The following PLA2G6 variants were observed in gnomAD, a reference collection of about 807,000 sequenced individuals.
PLA2G6 encodes 85/88 kDa calcium-independent phospholipase A2.
A neutral mutation model predicts 83.8 loss-of-function variants in PLA2G6; 62 were observed. That is an observed-to-expected ratio of 0.74 (90% CI 0.60 to 0.91). PLA2G6 has a LOEUF of 0.91. PLA2G6 is among the 40% of genes least tolerant of loss of function. The pLI is 0.00. For synonymous variants in PLA2G6, 417 were observed against 449.8 expected, an observed-to-expected ratio of 0.93 and a Z score of 0.92; for missense variants, 944 against 1,102.0, an observed-to-expected ratio of 0.86 and a Z score of 2.03.
intron 5 of PLA2G6, chr22:38,139,021 C>T (rs1014253113): frequency 2.0e-5 from 3 of 152,146 alleles, no homozygotes; most frequent in Non-Finnish European, 4.4e-5. Flanking sequence ...ATCTCATCCC[C>T]TACCCCTTTG....
chr22:38,123,174 C>T lies in PLA2G6; in HGVS notation c.1512G>A (p.Ser504=), dbSNP rs201161254. 1.4e-5 allele frequency: 22 copies of T among 1,551,600 alleles called. No homozygotes were observed. The highest frequency in any genetic ancestry group is 2.0e-4 in the Middle Eastern group (1 of 5,094). The part of the protein sequence containing the change: ...IQLLIAIEKA[S]GVATKDLFDW... ...CAAACAGGTCCTTGGTGGCCACACC[C>T]GAGGCCTTCTCGATGGCGATGAGGA... Residue 504 remains serine, a synonymous_variant, in exon 11 of 17, where the codon TCG becomes TCA. Coordinates refer to ENST00000332509, the MANE Select transcript of PLA2G6 (RefSeq NM_003560.4). The surrounding 1 kb of genome is among the most constrained non-coding windows in gnomAD (Gnocchi z 4.1).
Position 38,140,148 on chromosome 22 carries a change from C to G in PLA2G6, c.631G>C (p.Ala211Pro). 8 of 1,614,110 alleles carry G rather than the reference C, an allele frequency of 5.0e-6. No homozygotes were observed. The highest frequency in any genetic ancestry group is 6.8e-6 in the Non-Finnish European group (8 of 1,180,012). ...VLQLLGRNAV[A>P]GLNQVNNQGL... ...TGGTTATTCACCTGGTTCAGGCCAG[C>G]CACTGCGTTCCTTCCAAGGAGCTGA... Residue 211 changes from alanine (A) to proline (P), a missense_variant, in exon 5 of 17, where the codon GCT becomes CCT. Coordinates refer to ENST00000332509, the MANE Select transcript of PLA2G6 (RefSeq NM_003560.4).
chr22:38,131,319 C>T (rs1297383721), intron 7 of PLA2G6: 1 of 152,054 alleles, frequency 6.6e-6, no homozygotes, highest in South Asian at 2.1e-4. Context: ...TGCAGCTGGC[C>T]AGTTATTTTT....
intron 3 of PLA2G6, 88 bp downstream of exon 3, chr22:38,145,350 T>C (rs550886266): frequency 5.3e-6 from 6 of 1,128,708 alleles, no homozygotes; most frequent in East Asian, 2.5e-5. Context: ...TAAGTCAAAC[T>C]ATGGAGGGGA....
chr22:38,159,639 AG>A lies in PLA2G6; in HGVS notation c.209+9578del, dbSNP rs554500271. ...TGGCTACTCAGGAGGCTGAGGCAGGAGGATCACTTGAGCCTGGGAAGTTGAG... is the reference window on the plus strand; with the variant it reads ...TGGCTACTCAGGAGGCTGAGGCAGGAGATCACTTGAGCCTGGGAAGTTGAG... On this transcript the variant is annotated intron_variant, in intron 2 of 16. Coordinates refer to ENST00000332509, the MANE Select transcript of PLA2G6 (RefSeq NM_003560.4). 2.8e-3 allele frequency among the ~76,000 whole-genome samples: 424 copies of A among 152,106 alleles called. 2 individuals carry two copies. The highest frequency in any genetic ancestry group is 0.017 in the Middle Eastern group (5 of 294).
chr22:38,115,431 C>T, intron 14 of PLA2G6, 96 bp downstream of exon 14: 1 of 1,147,788 alleles, frequency 8.7e-7, no homozygotes, highest in Non-Finnish European at 1.3e-6. Context: ...GTAAAAGCCA[C>T]CTGCTGTCCT....
chr22:38,121,757 G>A (rs1015584519), intron 11 of PLA2G6, among the ~76,000 whole-genome samples: 2 of 152,196 alleles, frequency 1.3e-5, no homozygotes, highest in South Asian at 2.1e-4. Flanking sequence ...GAAGAAGGAC[G>A]TGGCCCTTTT....
At chr22:38,175,682 C>A (rs747353595) in intron 1 of PLA2G6, among the ~76,000 whole-genome samples, 3 of 152,204 alleles carry the variant, frequency 2.0e-5, no homozygotes, top group Non-Finnish European at 2.9e-5. Context: ...CATACCCGCA[C>A]CTCCGCCCTG....
intron 2 of PLA2G6, among the ~76,000 whole-genome samples, chr22:38,165,938 AG>A (rs1377274061): frequency 6.6e-6 from 1 of 152,186 alleles, no homozygotes; most frequent in Non-Finnish European, 1.5e-5. Flanking sequence ...GGAGTAAAGC[AG>A]GGGAGTGACC....
At chr22:38,170,317 G>A (rs2090389644) in intron 1 of PLA2G6, among the ~76,000 whole-genome samples, 1 of 152,024 alleles carries the variant, frequency 6.6e-6, no homozygotes, top group African/African-American at 2.4e-5. Flanking sequence ...CGGAGCAAGG[G>A]GATCATCGGC....
Position 38,177,566 on chromosome 22 carries a change from G to A in PLA2G6, c.-46+4098C>T, listed in dbSNP as rs571744107. Among the ~76,000 whole-genome samples, 80 of 150,548 alleles carry A rather than the reference G, an allele frequency of 5.3e-4. 1 individual carries two copies. Among genetic ancestry groups the A allele is most frequent in the African/African-American group, 1.9e-3 (77 of 40,874 alleles). On this transcript the variant is annotated intron_variant, in intron 1 of 16. Transcript: ENST00000332509. ...CAACCTCTGCCTCCCGGGTTCAAGC[G>A]ATTCTCCTGCCTCAGTCTCCAGACT... is the stretch of plus-strand genomic sequence containing the variant.
chr22:38,159,556 G>A lies in PLA2G6; in HGVS notation c.209+9662C>T, dbSNP rs116309898. ...CCAGCCTGGGTAACTTGATGAGACC[G>A]TGTCTCTACAAAAAATTTTTAAAAT... On this transcript the variant is annotated intron_variant, in intron 2 of 16. Coordinates refer to ENST00000332509, the MANE Select transcript of PLA2G6 (RefSeq NM_003560.4). Among the ~76,000 whole-genome samples the A allele has an allele frequency of 2.7e-3, 417 of 152,100 alleles. 1 individual carries two copies. The highest frequency in any genetic ancestry group is 9.6e-3 in the African/African-American group (397 of 41,500).
At chr22:38,175,175 C>T (rs2090586741) in intron 1 of PLA2G6, among the ~76,000 whole-genome samples, 1 of 152,176 alleles carries the variant, frequency 6.6e-6, no homozygotes, top group African/African-American at 2.4e-5. Flanking sequence ...TGAAAGGGGC[C>T]TGCACTTGCG....
chr22:38,161,588 T>C (rs2090014110), intron 2 of PLA2G6, among the ~76,000 whole-genome samples: 1 of 152,022 alleles, frequency 6.6e-6, no homozygotes, highest in South Asian at 2.1e-4. Context: ...TCAAATGGTG[T>C]CAAGAAGTAG....
At chr22:38,155,024 G>A (rs186699725) in intron 2 of PLA2G6, among the ~76,000 whole-genome samples, 1 of 152,278 alleles carries the variant, frequency 6.6e-6, no homozygotes, top group East Asian at 1.9e-4. Context: ...TCAGGAGATC[G>A]AGACTATCCT....
chr22:38,169,450 C>T lies in PLA2G6; in HGVS notation c.-24G>A, dbSNP rs1602269432. On this transcript the variant is annotated 5_prime_UTR_variant, in exon 2 of 17. Coordinates refer to ENST00000332509, the MANE Select transcript of PLA2G6 (RefSeq NM_003560.4). ...ATCTTCTGCGGGGCAGGTGGGGAGGCCCCACCGTCTTCCCCCTCTGTCTGG... is the reference window on the plus strand; with the variant it reads ...ATCTTCTGCGGGGCAGGTGGGGAGGTCCCACCGTCTTCCCCCTCTGTCTGG... The T allele has an allele frequency of 6.2e-7, 1 of 1,600,818 alleles. No homozygotes were observed. Among genetic ancestry groups the T allele is most frequent in the Non-Finnish European group, 8.6e-7 (1 of 1,168,960 alleles).
intron 2 of PLA2G6, among the ~76,000 whole-genome samples, chr22:38,164,987 C>A (rs1410286460): frequency 1.3e-5 from 2 of 152,012 alleles, no homozygotes; most frequent in African/African-American, 4.8e-5. Flanking sequence ...CTCGACCCCA[C>A]CCCACCCCAT....
rs370633504 is a variant in PLA2G6 at position 38,126,965 on chromosome 22, C to T, written c.1349-516G>A. The T allele has an allele frequency of 1.7e-5, 18 of 1,049,552 alleles. No homozygotes were observed. In the Admixed American group the frequency reaches 1.8e-4, roughly 11 times the overall value. The allele number at this position is 1,049,552 out of a possible 1,614,324, so 65.0% of individuals were successfully genotyped here. ...TCCATGGATGAAAGGAGACATCCCT[C>T]GTCCTGATCCCAGGTCTGGAAATCC... On this transcript the variant is annotated intron_variant, in intron 9 of 16. Coordinates refer to ENST00000332509, the MANE Select transcript of PLA2G6 (RefSeq NM_003560.4).
chr22:38,125,975 C>T (rs1303039679), intron 10 of PLA2G6, among the ~76,000 whole-genome samples: 1 of 152,198 alleles, frequency 6.6e-6, no homozygotes, highest in Non-Finnish European at 1.5e-5. Flanking sequence ...GAAGGCAGCC[C>T]ACGCCACTAT....
Sources: allele counts gnomAD v4.1 joint callset (sites outside exome capture counted in the v4.1 genomes callset), GRCh38; gene constraint gnomAD v4.1.1; non-coding constraint Gnocchi (gnomAD v3.1); transcripts MANE v1.5; gene names NCBI Gene and HGNC (gene_info 2026-07-23, HGNC 2026-07-21).